The following MAGI3 variants were observed in gnomAD, a reference collection of about 807,000 sequenced individuals.
The protein encoded by MAGI3 is membrane-associated guanylate kinase, WW and PDZ domain-containing protein 3.
A neutral mutation model predicts 121.8 loss-of-function variants in MAGI3; 43 were observed. That is an observed-to-expected ratio of 0.35 (90% CI 0.28 to 0.46). The LOEUF (loss-of-function observed/expected upper bound fraction) is 0.46, where lower values mean the gene tolerates loss of function less well. Ranked by LOEUF, MAGI3 falls within the 20% of genes least tolerant of loss-of-function variation. The probability of loss-of-function intolerance (pLI) is 1.00; values close to 1 mark genes in which losing one functional copy is unlikely to be tolerated. For missense variants in MAGI3, 1,547 were observed against 1,797.3 expected (o/e 0.86, Z 2.52); for synonymous variants, 553 against 639.3 (o/e 0.86, Z 2.04).
intron 1 of MAGI3, among the ~76,000 whole-genome samples, chr1:113,529,360 C>T (rs112092337): frequency 1.4e-4 from 22 of 152,252 alleles, no homozygotes; most frequent in African/African-American, 4.8e-4. Flanking sequence ...AGATTTGATG[C>T]CTGATGAGGG....
intron 2 of MAGI3, among the ~76,000 whole-genome samples, chr1:113,572,415 G>C (rs559079926): frequency 6.6e-6 from 1 of 152,286 alleles, no homozygotes; most frequent in African/African-American, 2.4e-5. Flanking sequence ...CATAAAATGA[G>C]TTAGGGAGGA....
chr1:113,558,369 C>G (rs1011353184), intron 2 of MAGI3, among the ~76,000 whole-genome samples: 2 of 152,026 alleles, frequency 1.3e-5, no homozygotes, highest in East Asian at 1.9e-4. Flanking sequence ...GAACATAACC[C>G]CCTGTTATAG....
chr1:113,520,748 G>A (rs541208585), intron 1 of MAGI3, among the ~76,000 whole-genome samples: 11 of 152,168 alleles, frequency 7.2e-5, no homozygotes, highest in Non-Finnish European at 8.8e-5. Context: ...GATTACAGGC[G>A]TAAGCCACCA....
intron 1 of MAGI3, among the ~76,000 whole-genome samples, chr1:113,541,843 G>C (rs1264241286): frequency 6.6e-6 from 1 of 152,172 alleles, no homozygotes; most frequent in East Asian, 1.9e-4. Flanking sequence ...TCTTATCTCA[G>C]ATTGTGTGGA....
At chr1:113,562,759 A>T (rs1660291162) in intron 2 of MAGI3, among the ~76,000 whole-genome samples, 1 of 152,186 alleles carries the variant, frequency 6.6e-6, no homozygotes, top group African/African-American at 2.4e-5. Context: ...TGTAGGTGAT[A>T]GGATGATCTG....
intron 1 of MAGI3, among the ~76,000 whole-genome samples, chr1:113,430,360 A>G (rs1173107888): frequency 6.6e-6 from 1 of 152,200 alleles, no homozygotes; most frequent in Non-Finnish European, 1.5e-5. Flanking sequence ...TTGATCAGAT[A>G]TGGAGCCATT....
chr1:113,515,593 A>G (rs183004883), intron 1 of MAGI3, among the ~76,000 whole-genome samples: 4 of 152,152 alleles, frequency 2.6e-5, no homozygotes, highest in African/African-American at 7.2e-5. Context: ...TCATTTACAG[A>G]TAAGGAACAT....
chr1:113,437,856 T>TCTC (rs1557757006), intron 1 of MAGI3, among the ~76,000 whole-genome samples: 5 of 53,068 alleles, frequency 9.4e-5, no homozygotes, highest in East Asian at 5.8e-4. Flanking sequence ...TTCTTCTTCT[T>TCTC]CTTCTTCCTC....
chr1:113,394,563 A>G (rs944809756), intron 1 of MAGI3, among the ~76,000 whole-genome samples: 1 of 152,130 alleles, frequency 6.6e-6, no homozygotes, highest in African/African-American at 2.4e-5. Flanking sequence ...TTCTTAAACC[A>G]TTTCTATTCT....
chr1:113,403,177 A>G (rs1309910451), intron 1 of MAGI3, among the ~76,000 whole-genome samples: 2 of 152,084 alleles, frequency 1.3e-5, no homozygotes, highest in Admixed American at 6.6e-5. Flanking sequence ...AACAGTCCAC[A>G]GTGGGAGCTG....
At chr1:113,592,966 C>G (rs1648778609) in intron 5 of MAGI3, among the ~76,000 whole-genome samples, 1 of 152,116 alleles carries the variant, frequency 6.6e-6, no homozygotes, top group Non-Finnish European at 1.5e-5. Context: ...GAGCCGAGAT[C>G]GGGCCACTGC....
intron 16 of MAGI3, among the ~76,000 whole-genome samples, chr1:113,668,877 C>T (rs991443754): frequency 8.5e-5 from 13 of 152,110 alleles, no homozygotes; most frequent in African/African-American, 1.2e-4. Flanking sequence ...CCACCGCGCC[C>T]GGCCAAAAAC....
At chr1:113,477,651 C>T (rs777503492) in intron 1 of MAGI3, among the ~76,000 whole-genome samples, 5 of 152,134 alleles carry the variant, frequency 3.3e-5, no homozygotes, top group Non-Finnish European at 7.3e-5. Context: ...TCTCTGGCTG[C>T]CCTTAACACT....
chr1:113,452,088 C>A (rs1654512018), intron 1 of MAGI3, among the ~76,000 whole-genome samples: 1 of 152,128 alleles, frequency 6.6e-6, no homozygotes, highest in African/African-American at 2.4e-5. Flanking sequence ...ATCACAATAT[C>A]TTTCTTTCCT....
rs762666354 is a variant in MAGI3 at position 113,642,167 on chromosome 1, G to A, written c.1617G>A (p.Glu539=). ...QDFKPGAMVL[E]QNGKSGHTLT... ...TTAAGCCAGGAGCAATGGTTCTGGA[G>A]CAGAATGGAAAATCGGGACACACTT... The change falls in exon 10 of 21, where the codon GAG becomes GAA. Residue 539 remains glutamate, a synonymous_variant. Coordinates refer to ENST00000307546, the MANE Select transcript of MAGI3 (RefSeq NM_001142782.2). 8.7e-6 allele frequency: 14 copies of A among 1,614,090 alleles called. No individual in the cohort carries two copies. Among genetic ancestry groups the A allele is most frequent in the Non-Finnish European group, 1.2e-5 (14 of 1,180,044 alleles).
chr1:113,600,951 G>GA (rs1649334319), intron 6 of MAGI3, among the ~76,000 whole-genome samples: 1 of 152,088 alleles, frequency 6.6e-6, no homozygotes, highest in Admixed American at 6.6e-5. Flanking sequence ...ACAAACCTGA[G>GA]AAAAACAAGC....
rs1412415748 is a variant in MAGI3 at position 113,427,679 on chromosome 1, G to C, written c.316+36330G>C. ...TTGGCTGTCTCTTGCAGTATTTCTT[G>C]GGTTTATAGTTGTATATACAGGCGA... On this transcript the variant is annotated intron_variant, in intron 1 of 20. Coordinates refer to ENST00000307546, the MANE Select transcript of MAGI3 (RefSeq NM_001142782.2). Among the ~76,000 whole-genome samples, 11 of 152,236 alleles carry C rather than the reference G, an allele frequency of 7.2e-5. No individual in the cohort carries two copies. In the East Asian group the frequency reaches 2.1e-3, roughly 29 times the overall value.
intron 1 of MAGI3, among the ~76,000 whole-genome samples, chr1:113,486,537 T>G (rs1401533509): frequency 6.6e-6 from 1 of 152,146 alleles, no homozygotes; most frequent in Admixed American, 6.5e-5. Context: ...TTCAATATAT[T>G]TTTGGGCATA....
intron 15 of MAGI3, 70 bp from the exon 16 acceptor site, chr1:113,659,010 C>A: frequency 8.1e-7 from 1 of 1,230,686 alleles, no homozygotes; most frequent in Non-Finnish European, 1.1e-6. Context: ...TTTTAAATGA[C>A]GTTGATTATA....
Sources: gnomAD v4.1 joint callset for allele counts (sites outside exome capture counted in the v4.1 genomes callset) on GRCh38, gnomAD v4.1.1 for gene constraint, MANE v1.5 for transcripts, NCBI Gene and HGNC (gene_info 2026-07-23, HGNC 2026-07-21) for gene names.